Variants in LRPPRC observed in about 807,000 individuals in gnomAD.
LRPPRC encodes the protein leucine rich pentatricopeptide repeat containing.
Under a neutral mutation model 180.3 loss-of-function variants are expected in LRPPRC, and 120 were observed. The ratio of observed to expected loss-of-function variants is 0.67; its 90% CI spans 0.57 to 0.77. The LOEUF is 0.77. Ranked by LOEUF, LRPPRC falls within the 30% of genes least tolerant of loss-of-function variation. The probability of loss-of-function intolerance (pLI) is 0.00; values close to 1 mark genes in which losing one functional copy is unlikely to be tolerated. For synonymous variants in LRPPRC, 723 were observed against 600.0 expected, an observed-to-expected ratio of 1.21 and a Z score of -3.00; for missense variants, 2,012 against 1,657.2, an observed-to-expected ratio of 1.21 and a Z score of -3.72.
At chr2:43,896,198 ATTTCTTTC>A (rs751623964) in intron 35 of LRPPRC, 31 of 130,988 alleles carry the variant, frequency 2.4e-4, no homozygotes, top group South Asian at 9.4e-4. Flanking sequence ...TTAATCTTCC[ATTTCTTTC>A]TTTCTTTCTT....
chr2:43,889,572 A>G (rs1254821206), intron 37 of LRPPRC, among the ~76,000 whole-genome samples, 162 bp downstream of exon 37: 1 of 152,158 alleles, frequency 6.6e-6, no homozygotes, highest in Non-Finnish European at 1.5e-5. Flanking sequence ...CGACTGCCGC[A>G]GCCAAGGCAT....
intron 1 of LRPPRC, among the ~76,000 whole-genome samples, chr2:43,986,399 G>C (rs1032394808): frequency 2.0e-5 from 3 of 152,128 alleles, no homozygotes; most frequent in Non-Finnish European, 4.4e-5. Flanking sequence ...CAAAGTGCTA[G>C]GATTACAGGC....
At chr2:43,889,314 C>CAAAAAAAAAAAAAA (rs780032604) in intron 37 of LRPPRC, among the ~76,000 whole-genome samples, 12 of 38,340 alleles carry the variant, frequency 3.1e-4, no homozygotes, top group African/African-American at 1.5e-3. Context: ...GACTCCATCT[C>CAAAAAAAAAAAAAA]AAAAAAAAAA....
At chr2:43,986,007 T>C (rs1366273760) in intron 1 of LRPPRC, among the ~76,000 whole-genome samples, 1 of 152,248 alleles carries the variant, frequency 6.6e-6, no homozygotes, top group Non-Finnish European at 1.5e-5. Context: ...TTGTTGCCAT[T>C]CCGATAGTGG....
At chr2:43,934,351 C>G (rs1672197394) in intron 24 of LRPPRC, 55 bp from the exon 25 acceptor site, 1 of 814,210 alleles carries the variant, frequency 1.2e-6, no homozygotes, top group Admixed American at 2.2e-5. Flanking sequence ...CCCAGAAAAA[C>G]AGTATCATAT....
intron 1 of LRPPRC, among the ~76,000 whole-genome samples, chr2:43,987,812 G>C (rs1157439221): frequency 4.0e-5 from 6 of 151,866 alleles, no homozygotes; most frequent in African/African-American, 1.2e-4. Context: ...CATCAATTCT[G>C]TTCTTCCATT....
chr2:43,992,562 A>C (rs1290471969), intron 1 of LRPPRC, among the ~76,000 whole-genome samples: 1 of 152,214 alleles, frequency 6.6e-6, no homozygotes, highest in Non-Finnish European at 1.5e-5. Context: ...AAGCAGGAAA[A>C]TGACATGATC....
intron 11 of LRPPRC, among the ~76,000 whole-genome samples, chr2:43,968,338 T>G (rs893942155): frequency 6.6e-6 from 1 of 152,214 alleles, no homozygotes; most frequent in Admixed American, 6.5e-5. Flanking sequence ...TCGAAGCACT[T>G]AATGAATAAT....
chr2:43,896,492 C>CTT, intron 35 of LRPPRC, 142 bp downstream of exon 35: 1 of 647,896 alleles, frequency 1.5e-6, no homozygotes, highest in Non-Finnish European at 2.8e-6. Flanking sequence ...AAAACTGACT[C>CTT]TAAGTAGAGA....
chr2:43,941,477 C>G (rs1229870499), intron 23 of LRPPRC, among the ~76,000 whole-genome samples: 3 of 152,104 alleles, frequency 2.0e-5, no homozygotes, highest in Non-Finnish European at 4.4e-5. Context: ...TGAGCTCATA[C>G]CTGCTGAGGT....
intron 1 of LRPPRC, 137 bp downstream of exon 1, chr2:43,995,662 G>T: frequency 4.9e-6 from 4 of 819,200 alleles, no homozygotes; most frequent in African/African-American, 1.8e-5. Flanking sequence ...GGAGCGTGGT[G>T]CGGAGCCCGG....
intron 22 of LRPPRC, among the ~76,000 whole-genome samples, chr2:43,944,553 A>G (rs990355481): frequency 2.0e-4 from 30 of 152,124 alleles, no homozygotes; most frequent in African/African-American, 7.2e-4. Flanking sequence ...ATCCTTAGAA[A>G]GAGTTAGAAA....
intron 2 of LRPPRC, among the ~76,000 whole-genome samples, chr2:43,982,010 C>A (rs574999458): frequency 6.6e-6 from 1 of 152,070 alleles, no homozygotes; most frequent in African/African-American, 2.4e-5. Context: ...TGGGTTCAAG[C>A]GATTCTCATG....
At position 43,979,825 on chromosome 2, in the gene LRPPRC, C is replaced by A. The variant is rs1060499785; in HGVS notation, c.469+1G>T. The A allele has an allele frequency of 6.2e-7, 1 of 1,612,864 alleles. No homozygotes were observed. Among genetic ancestry groups the A allele is most frequent in the East Asian group, 2.2e-5 (1 of 44,806 alleles). ...CACATCATATATTTAAACAATCATACCTAATTTCTGAAGTGTGTCCCATAT... is the reference window on the plus strand; with the variant it reads ...CACATCATATATTTAAACAATCATAACTAATTTCTGAAGTGTGTCCCATAT... On this transcript the variant is annotated splice_donor_variant, in intron 3 of 37. Coordinates refer to ENST00000260665, the MANE Select transcript of LRPPRC (RefSeq NM_133259.4). LOFTEE classifies it high-confidence loss of function.
In LRPPRC at chr2:43,894,572, C is replaced by T. The variant is rs201257902; in HGVS notation, c.3958G>A (p.Ala1320Thr). Residue 1320 changes from alanine (A) to threonine (T), a missense_variant, in exon 36 of 38, where the codon GCA becomes ACA. Ala to Thr is a moderately conservative substitution (Grantham distance 58). Transcript: ENST00000260665. Reference sequence around the variant, plus strand: ...TAGCTTTTCATGAGGGAATTGTATGCTTCTTCCTTTTCATTTAATTCAGGA... The same window carrying T: ...TAGCTTTTCATGAGGGAATTGTATGTTTCTTCCTTTTCATTTAATTCAGGA... ...LIPELNEKEEAYNSLMKSYVS... is the reference protein window; with the variant it reads ...LIPELNEKEETYNSLMKSYVS... 4 of 1,559,264 alleles carry T rather than the reference C, an allele frequency of 2.6e-6. No individual in the cohort carries two copies. The African/African-American group carries it at 4.1e-5, about 16-fold the overall frequency.
At chr2:43,952,652 T>C (rs981078647) in intron 14 of LRPPRC, among the ~76,000 whole-genome samples, 5 of 152,210 alleles carry the variant, frequency 3.3e-5, no homozygotes, top group Non-Finnish European at 7.3e-5. Context: ...CCAGACTTTG[T>C]ACTAGGTTCT....
At chr2:43,974,028 G>A (rs915095961) in intron 9 of LRPPRC, 122 bp downstream of exon 9, 5 of 1,195,604 alleles carry the variant, frequency 4.2e-6, no homozygotes, top group Non-Finnish European at 6.3e-6. Context: ...CAAAAATCTT[G>A]CAACACAAGA....
At chr2:43,994,246 T>C (rs949363168) in intron 1 of LRPPRC, among the ~76,000 whole-genome samples, 7 of 152,326 alleles carry the variant, frequency 4.6e-5, no homozygotes, top group East Asian at 1.9e-4. Context: ...TAAGAAAATA[T>C]AGGCAGACTC....
At position 43,889,031 on chromosome 2, in the gene LRPPRC, A is replaced by C. The variant is rs116311461; in HGVS notation, c.4129-375T>G. ...ATATGTGATTTCTCTTATTAAAGAA[A>C]ACATGCCGGGCACAGTGGCTCACGC... On this transcript the variant is annotated intron_variant, in intron 37 of 37. Transcript: ENST00000260665. 7.5e-3 allele frequency among the ~76,000 whole-genome samples: 1,143 copies of C among 152,350 alleles called. 23 individuals are homozygous for C. The highest frequency in any genetic ancestry group is 0.026 in the African/African-American group (1,084 of 41,586).
Sources: gnomAD v4.1 joint callset for allele counts (sites outside exome capture counted in the v4.1 genomes callset) on GRCh38, gnomAD v4.1.1 for gene constraint, MANE v1.5 for transcripts, NCBI Gene and HGNC (gene_info 2026-07-23, HGNC 2026-07-21) for gene names.